TRPC3: variants seen among roughly 807,000 people sequenced by gnomAD.
The protein encoded by TRPC3 is transient receptor potential cation channel subfamily C member 3, also known as short transient receptor potential channel 3.
A neutral mutation model predicts 90.9 loss-of-function variants in TRPC3; 54 were observed. That is an observed-to-expected ratio of 0.59 (90% CI 0.48 to 0.75). The LOEUF (loss-of-function observed/expected upper bound fraction) is 0.75. Among genes scored for constraint, TRPC3 ranks in the 30% least tolerant of loss-of-function variants. The pLI is 0.00. For synonymous variants in TRPC3, 424 were observed against 450.9 expected (o/e 0.94, Z 0.75); for missense variants, 918 against 1,194.5 (o/e 0.77, Z 3.41).
chr4:121,917,965 T>C (rs527329505), intron 3 of TRPC3, among the ~76,000 whole-genome samples: 3 of 152,296 alleles, frequency 2.0e-5, no homozygotes, highest in Non-Finnish European at 4.4e-5. Context: ...CAAATTTCCC[T>C]TTTGTGAGTG....
chr4:121,899,775 A>AT, intron 9 of TRPC3, 80 bp from the exon 10 acceptor site: 1 of 1,130,464 alleles, frequency 8.8e-7, no homozygotes, highest in Non-Finnish European at 1.3e-6. Flanking sequence ...ATTCTCCTTG[A>AT]TAACATTTCT....
chr4:121,889,961 A>G (rs1390758371), intron 10 of TRPC3, among the ~76,000 whole-genome samples: 1 of 152,210 alleles, frequency 6.6e-6, no homozygotes, highest in Non-Finnish European at 1.5e-5. Context: ...ATGGTTGTAT[A>G]TATACACACA....
intron 10 of TRPC3, among the ~76,000 whole-genome samples, chr4:121,884,673 C>T (rs947996793): frequency 6.6e-6 from 1 of 152,076 alleles, no homozygotes; most frequent in East Asian, 1.9e-4. Context: ...ACTGAGAGGG[C>T]CCACGCTACT....
At position 121,880,472 on chromosome 4, in the gene TRPC3, A is replaced by C. The variant is rs567121073; in HGVS notation, c.2624-594T>G. 5.3e-5 allele frequency among the ~76,000 whole-genome samples: 8 copies of C among 152,318 alleles called. No individual in the cohort carries two copies. The East Asian group carries it at 1.3e-3, about 26-fold the overall frequency. On this transcript the variant is annotated intron_variant, in intron 11 of 11. Transcript: ENST00000379645. ...AATGCGTAAGGAAGTAACAAGCAAC[A>C]GTGCAATTGAGGAGTTTAGATATGA...
intron 10 of TRPC3, among the ~76,000 whole-genome samples, chr4:121,893,314 CA>C (rs1728398260): frequency 2.0e-5 from 3 of 151,982 alleles, no homozygotes; most frequent in Admixed American, 2.0e-4. Flanking sequence ...TGTGGTTCTA[CA>C]GCATGAATAG....
Position 121,907,397 on chromosome 4 carries a change from C to A in TRPC3, c.1963G>T (p.Val655Phe). Residue 655 changes from valine (V) to phenylalanine (F), a missense_variant, in exon 7 of 12, where the codon GTC becomes TTC. Around this residue, in one of 4 missense-constraint regions of TRPC3, gnomAD observed 147 missense variants for 263.5 expected, o/e 0.56. Transcript: ENST00000379645. ...RTVKDIFKFM[V>F]LFIMVFFAFM... ...GCAAAAAACACCATAATAAAGAGGA[C>A]CATGAACTTGAATATGTCCTTTACA... is the stretch of plus-strand genomic sequence containing the variant. The A allele has an allele frequency of 6.2e-7, 1 of 1,613,358 alleles. No individual in the cohort carries two copies. The highest frequency in any genetic ancestry group is 1.1e-5 in the South Asian group (1 of 91,050).
At position 121,879,877 on chromosome 4, in the gene TRPC3, A is replaced by G. The variant is rs557618974; in HGVS notation, c.2625T>C (p.Gly875=). 1.9e-6 allele frequency: 3 copies of G among 1,579,238 alleles called. No individual in the cohort carries two copies. Among genetic ancestry groups the G allele is most frequent in the African/African-American group, 2.8e-5 (2 of 72,676 alleles). ...VDKENDEVNE[G]ELKEIKQDIS... Reference sequence around the variant, plus strand: ...TATCTTGCTTGATTTCTTTTAATTCACCTATAGTATTGATATTAAAAAATT... The same window carrying G: ...TATCTTGCTTGATTTCTTTTAATTCGCCTATAGTATTGATATTAAAAAATT... The change falls in exon 12 of 12, where the codon GGT becomes GGC. Residue 875 remains glycine (G), a splice_region_variant and synonymous_variant. Coordinates refer to ENST00000379645, the MANE Select transcript of TRPC3 (RefSeq NM_001130698.2).
In TRPC3 at chr4:121,891,358, T is replaced by C. The variant is rs564942877; in HGVS notation, c.2547+8254A>G. 8.5e-5 allele frequency among the ~76,000 whole-genome samples: 13 copies of C among 152,296 alleles called. No individual in the cohort carries two copies. The East Asian group carries it at 2.5e-3, about 29-fold the overall frequency. ...TGAAGGAACTACCAAAAGACAAAGT[T>C]AAGCTAAGAAAGAGATAAACAGAAA... is the stretch of plus-strand genomic sequence containing the variant. On this transcript the variant is annotated intron_variant, in intron 10 of 11. Transcript: ENST00000379645.
chr4:121,889,490 T>G (rs1407002523), intron 10 of TRPC3, among the ~76,000 whole-genome samples: 1 of 152,120 alleles, frequency 6.6e-6, no homozygotes, highest in African/African-American at 2.4e-5. Flanking sequence ...ACATCACTAA[T>G]CAACAGAGAA....
chr4:121,947,681 G>GC (rs2149157332), intron 1 of TRPC3, among the ~76,000 whole-genome samples: 1 of 152,268 alleles, frequency 6.6e-6, no homozygotes, highest in South Asian at 2.1e-4. Context: ...TTAAAGAGGA[G>GC]CGATTTAAGT....
At chr4:121,896,806 G>A (rs565066080) in intron 10 of TRPC3, among the ~76,000 whole-genome samples, 1 of 151,706 alleles carries the variant, frequency 6.6e-6, no homozygotes, top group African/African-American at 2.4e-5. Flanking sequence ...AAAATTTGTA[G>A]GGAATCATAA....
chr4:121,910,016 A>C (rs1729024295), intron 6 of TRPC3, 138 bp downstream of exon 6: 1 of 680,252 alleles, frequency 1.5e-6, no homozygotes, highest in Admixed American at 2.8e-5. Context: ...GTAGGTTCCA[A>C]AGTTCATGCT....
At chr4:121,940,618 T>C (rs1730275367) in intron 1 of TRPC3, among the ~76,000 whole-genome samples, 1 of 152,228 alleles carries the variant, frequency 6.6e-6, no homozygotes, top group Non-Finnish European at 1.5e-5. Context: ...ATACAGAGGG[T>C]CACGTTTCAC....
intron 10 of TRPC3, among the ~76,000 whole-genome samples, chr4:121,896,548 G>C (rs569124466): frequency 6.6e-6 from 1 of 151,812 alleles, no homozygotes; most frequent in Admixed American, 6.6e-5. Flanking sequence ...AAATAAAAAA[G>C]GCAATGCCAT....
rs76986579 is a variant in TRPC3, at chr4:121,879,482, A to G, written c.*254T>C. ...AAGATGTGGAGTTTACTCTAAAATG[A>G]ATAAAAGTTTCAATAATATAGTAAT... On this transcript the variant is annotated 3_prime_UTR_variant, in exon 12 of 12. Transcript: ENST00000379645. 1,433 of 386,482 alleles carry G rather than the reference A, an allele frequency of 3.7e-3. 21 individuals carry two copies. Among genetic ancestry groups the G allele is most frequent in the African/African-American group, 0.028 (1,319 of 46,332 alleles). The allele number at this position is 386,482 out of a possible 1,614,324, so 23.9% of individuals were successfully genotyped here.
chr4:121,880,725 G>T (rs148226259), intron 11 of TRPC3, among the ~76,000 whole-genome samples: 1 of 152,296 alleles, frequency 6.6e-6, no homozygotes, highest in East Asian at 1.9e-4. Context: ...AAAAGTGAAT[G>T]TTGGAGCAAG....
chr4:121,941,552 A>C (rs1730310963), intron 1 of TRPC3, among the ~76,000 whole-genome samples: 1 of 152,204 alleles, frequency 6.6e-6, no homozygotes, highest in South Asian at 2.1e-4. Context: ...TGATAATTGG[A>C]AATGGTAATG....
chr4:121,941,015 TAGA>T (rs1181691947), intron 1 of TRPC3, among the ~76,000 whole-genome samples: 1 of 152,194 alleles, frequency 6.6e-6, no homozygotes, highest in Non-Finnish European at 1.5e-5. Context: ...AGTACAGAAC[TAGA>T]AGATTAGAGC....
intron 2 of TRPC3, among the ~76,000 whole-genome samples, chr4:121,929,150 G>C (rs1729811429): frequency 6.6e-6 from 1 of 152,058 alleles, no homozygotes; most frequent in Admixed American, 6.6e-5. Context: ...CCTACGACTG[G>C]GACTCAAGAC....
Sources: allele counts gnomAD v4.1 joint callset (sites outside exome capture counted in the v4.1 genomes callset), GRCh38; gene constraint gnomAD v4.1.1; regional missense constraint gnomAD v4.1.1; transcripts MANE v1.5; gene names NCBI Gene and HGNC (gene_info 2026-07-23, HGNC 2026-07-21).